WDPCP: variants seen among roughly 807,000 people sequenced by gnomAD.
The protein encoded by WDPCP is WD repeat containing planar cell polarity effector.
In WDPCP, 71 loss-of-function variants were observed where a neutral mutation model predicts 93.1. The ratio of observed to expected loss-of-function variants is 0.76; its 90% confidence interval spans 0.63 to 0.93. WDPCP has a LOEUF of 0.93. WDPCP is among the 40% of genes least tolerant of loss of function. The pLI is 0.00. For synonymous variants in WDPCP, 315 were observed against 315.0 expected, an observed-to-expected ratio of 1.00 and a Z score of 0.00; for missense variants, 844 against 887.4, an observed-to-expected ratio of 0.95 and a Z score of 0.62.
intron 14 of WDPCP, 107 bp downstream of exon 14, chr2:63,259,200 C>T (rs1575000063): frequency 2.1e-6 from 2 of 963,446 alleles, no homozygotes; most frequent in South Asian, 2.7e-5. Context: ...ACTGTCTTTA[C>T]AAACAAAGTA....
At chr2:63,258,718 T>C (rs760908854) in intron 14 of WDPCP, among the ~76,000 whole-genome samples, 30 of 152,176 alleles carry the variant, frequency 2.0e-4, no homozygotes, top group Non-Finnish European at 3.7e-4. Flanking sequence ...AAACTGAGTT[T>C]TAAAAAAAGA....
At chr2:63,542,821 T>C (rs755937488) in intron 1 of WDPCP, among the ~76,000 whole-genome samples, 6 of 152,168 alleles carry the variant, frequency 3.9e-5, no homozygotes, top group Non-Finnish European at 5.9e-5. Flanking sequence ...TGTGCACATA[T>C]ACATCTGTTT....
the WDPCP span, among the ~76,000 whole-genome samples, chr2:63,837,850 T>G: frequency 6.6e-6 from 1 of 152,248 alleles, no homozygotes; most frequent in Middle Eastern, 3.2e-3. Flanking sequence ...ACGCCTGTAA[T>G]TCCAGCACTT....
At chr2:63,778,268 C>T (rs561137736) in intron 2 of WDPCP, among the ~76,000 whole-genome samples, 6 of 151,780 alleles carry the variant, frequency 4.0e-5, no homozygotes, top group African/African-American at 1.5e-4. Context: ...AGTGCAGTGG[C>T]GCGATTTCAG....
At chr2:63,232,014 G>A (rs559874082) in intron 14 of WDPCP, among the ~76,000 whole-genome samples, 13 of 152,068 alleles carry the variant, frequency 8.5e-5, no homozygotes, top group Non-Finnish European at 1.9e-4. Context: ...TAGAGCCCCC[G>A]GAAATAATAC....
intron 14 of WDPCP, among the ~76,000 whole-genome samples, chr2:63,195,417 TAC>T (rs1675351603): frequency 6.6e-6 from 1 of 152,194 alleles, no homozygotes; most frequent in African/African-American, 2.4e-5. Context: ...GGTAAATCAA[TAC>T]AGTTTACCCT....
chr2:63,580,041 A>C (rs910514190), intron 1 of WDPCP, among the ~76,000 whole-genome samples: 1 of 152,056 alleles, frequency 6.6e-6, no homozygotes, highest in African/African-American at 2.4e-5. Context: ...CCATGAGATG[A>C]CCCTCACCAG....
intron 3 of WDPCP, among the ~76,000 whole-genome samples, chr2:63,606,223 A>G (rs1709525726): frequency 6.6e-6 from 1 of 152,174 alleles, no homozygotes; most frequent in Admixed American, 6.5e-5. Context: ...CTCTGCAAAA[A>G]TAAAATAATT....
intron 12 of WDPCP, among the ~76,000 whole-genome samples, chr2:63,319,092 A>T (rs1445723128): frequency 6.6e-6 from 1 of 152,170 alleles, no homozygotes; most frequent in Non-Finnish European, 1.5e-5. Flanking sequence ...TATGGAGGAA[A>T]AATAAGCATC....
intron 12 of WDPCP, among the ~76,000 whole-genome samples, chr2:63,364,974 T>C (rs2104705740): frequency 6.6e-6 from 1 of 152,300 alleles, no homozygotes; most frequent in African/African-American, 2.4e-5. Context: ...ATTGGCAATA[T>C]GCAAACAAAT....
At chr2:63,298,520 G>A (rs550151565) in intron 13 of WDPCP, among the ~76,000 whole-genome samples, 1 of 152,068 alleles carries the variant, frequency 6.6e-6, no homozygotes, top group Admixed American at 6.6e-5. Context: ...GACTTGCTGA[G>A]TCTTCTTGCC....
At chr2:63,506,868 G>A (rs1701909290) in intron 1 of WDPCP, among the ~76,000 whole-genome samples, 1 of 151,794 alleles carries the variant, frequency 6.6e-6, no homozygotes, top group South Asian at 2.1e-4. Flanking sequence ...CTGAAAACAG[G>A]GAGAAAAGGA....
At chr2:63,659,661 T>C (rs1200857518) in intron 2 of WDPCP, among the ~76,000 whole-genome samples, 4 of 152,204 alleles carry the variant, frequency 2.6e-5, no homozygotes, top group Non-Finnish European at 5.9e-5. Flanking sequence ...ACTTCTGGCC[T>C]CTATATTGTG....
intron 6 of WDPCP, among the ~76,000 whole-genome samples, chr2:63,473,517 T>C (rs1699803454): frequency 6.6e-6 from 1 of 152,206 alleles, no homozygotes; most frequent in Non-Finnish European, 1.5e-5. Flanking sequence ...ATCCCAATAT[T>C]TGTGCCTTTC....
At chr2:63,597,403 C>A in intron 3 of WDPCP, 1 of 1,425,896 alleles carries the variant, frequency 7.0e-7, no homozygotes, top group South Asian at 1.6e-5. Flanking sequence ...CCACAGATGT[C>A]ATCGCAACAG....
intron 2 of WDPCP, among the ~76,000 whole-genome samples, chr2:63,711,847 T>A (rs1199027108): frequency 6.6e-6 from 1 of 152,212 alleles, no homozygotes; most frequent in Non-Finnish European, 1.5e-5. Flanking sequence ...AGTACTTTCC[T>A]GATGGGAGCT....
rs547675890 is a variant in WDPCP at position 63,318,765 on chromosome 2, G to A, written c.1749-5454C>T. Among the ~76,000 whole-genome samples the A allele has an allele frequency of 1.1e-4, 17 of 152,254 alleles. No homozygotes were observed. The Middle Eastern group carries it at 0.01, about 91-fold the overall frequency. ...ACAGTAGATACCAAGGCCTACTTGA[G>A]GCTGGAGTGTGGGAGGAGGGTGAAT... On this transcript the variant is annotated intron_variant, in intron 12 of 17. Coordinates refer to ENST00000272321, the MANE Select transcript of WDPCP (RefSeq NM_015910.7).
chr2:63,618,962 T>C (rs1485954158), intron 3 of WDPCP, among the ~76,000 whole-genome samples: 2 of 152,196 alleles, frequency 1.3e-5, no homozygotes, highest in East Asian at 3.9e-4. Flanking sequence ...GTGCTGGGAT[T>C]ACAGGCATGA....
At chr2:63,425,215 T>G (rs778831934) in intron 9 of WDPCP, among the ~76,000 whole-genome samples, 5 of 152,008 alleles carry the variant, frequency 3.3e-5, no homozygotes, top group Non-Finnish European at 7.4e-5. Flanking sequence ...ATAAATTATA[T>G]AAAAACAAAA....
Sources: allele counts gnomAD v4.1 joint callset (sites outside exome capture counted in the v4.1 genomes callset), GRCh38; gene constraint gnomAD v4.1.1; transcripts MANE v1.5; gene names NCBI Gene and HGNC (gene_info 2026-07-23, HGNC 2026-07-21).